The following SETD2 variants were observed in gnomAD, a reference collection of about 807,000 sequenced individuals.
The protein encoded by SETD2 is SET domain containing 2, histone lysine methyltransferase.
Under a neutral mutation model 242.1 loss-of-function variants are expected in SETD2, and 31 were observed. The observed-to-expected ratio is 0.13, with a 90% CI of 0.10 to 0.17. SETD2 has a LOEUF of 0.17. SETD2 is among the 10% of genes least tolerant of loss of function. The pLI is 1.00. For synonymous variants in SETD2, 1,006 were observed against 1,066.5 expected (o/e 0.94, Z 1.11); for missense variants, 2,481 against 3,046.3 (o/e 0.81, Z 4.37).
Position 47,121,212 on chromosome 3 carries a change from C to T in SETD2, c.3424G>A (p.Glu1142Lys), listed in dbSNP as rs2106642693. The change falls in exon 3 of 21, where the codon GAA becomes AAA. Residue 1142 changes from glutamate to lysine, a missense_variant. Transcript: ENST00000409792. ...FLHKGTEKNPEISFTQSSRKQ... is the reference protein window; with the variant it reads ...FLHKGTEKNPKISFTQSSRKQ... ...CTACTGGACTGTGTAAAAGAAATTTCCGGATTCTTCTCTGTTCCTTTATGA... is the reference window on the plus strand; with the variant it reads ...CTACTGGACTGTGTAAAAGAAATTTTCGGATTCTTCTCTGTTCCTTTATGA... The T allele has an allele frequency of 6.2e-7, 1 of 1,614,098 alleles. No homozygotes were observed. Among genetic ancestry groups the T allele is most frequent in the Non-Finnish European group, 8.5e-7 (1 of 1,179,994 alleles).
At chr3:47,080,783 A>G (rs558129066) in intron 12 of SETD2, 3 of 985,786 alleles carry the variant, frequency 3.0e-6, no homozygotes, top group Admixed American at 6.1e-5. Flanking sequence ...GTATATAGGT[A>G]TAGAAAAAGT....
chr3:47,029,772 G>A (rs2038680041), intron 18 of SETD2, among the ~76,000 whole-genome samples: 1 of 152,156 alleles, frequency 6.6e-6, no homozygotes, highest in Non-Finnish European at 1.5e-5. Context: ...TTGCTTAACT[G>A]CCAACACTTA....
At position 47,037,620 on chromosome 3, in the gene SETD2, A is replaced by G. The variant is rs752544713; in HGVS notation, c.7350+46T>C. 4.9e-6 allele frequency: 7 copies of G among 1,438,058 alleles called. No individual in the cohort carries two copies. In the Admixed American group the frequency reaches 1.2e-4, roughly 24 times the overall value. The allele number at this position is 1,438,058 out of a possible 1,614,324, so 89.1% of individuals were successfully genotyped here. A position where few individuals can be genotyped will look rare whatever the true frequency, so the allele number is the denominator to read the frequency against. ...CCAAGACCATGCGGGATGGTCTTGG[A>G]CGGACTCCCAAATGATCAGGAAATA... On this transcript the variant is annotated intron_variant, in intron 18 of 20. Transcript: ENST00000409792.
intron 13 of SETD2, among the ~76,000 whole-genome samples, chr3:47,064,238 AG>A (rs2040461040): frequency 6.6e-6 from 1 of 152,154 alleles, no homozygotes; most frequent in Admixed American, 6.6e-5. Context: ...CAGTTCTTTT[AG>A]GTGGCCCAAA....
At chr3:47,104,511 G>C (rs2042334404) in intron 6 of SETD2, among the ~76,000 whole-genome samples, 1 of 152,048 alleles carries the variant, frequency 6.6e-6, no homozygotes, top group African/African-American at 2.4e-5. Context: ...CTGCACCCCA[G>C]GCTGGGCAAC....
At chr3:47,057,980 A>G (rs1279418414) in intron 14 of SETD2, among the ~76,000 whole-genome samples, 3 of 152,162 alleles carry the variant, frequency 2.0e-5, no homozygotes, top group African/African-American at 7.2e-5. Context: ...TGGGAAAAGA[A>G]AAAGAAATCC....
intron 9 of SETD2, 108 bp downstream of exon 9, chr3:47,097,847 T>C: frequency 9.4e-7 from 1 of 1,063,922 alleles, no homozygotes; most frequent in Non-Finnish European, 1.4e-6. Context: ...TCATCTGATC[T>C]TGGATTTCTC....
rs765015864 is a variant in SETD2 at position 47,120,766 on chromosome 3, T to G, written c.3870A>C (p.Ala1290=). The G allele has an allele frequency of 1.2e-6, 2 of 1,614,238 alleles. No homozygotes were observed. The highest frequency in any genetic ancestry group is 1.7e-6 in the Non-Finnish European group (2 of 1,180,040). The part of the protein sequence containing the change: ...ACGGHKYQQN[A]EQYGGTRDYW... ...AATCACGTGTCCCACCATACTGTTC[T>G]GCATTTTGCTGATACTTGTGTCCAC... The change falls in exon 3 of 21, where the codon GCA becomes GCC. Residue 1290 remains alanine (A), a synonymous_variant. Coordinates refer to ENST00000409792, the MANE Select transcript of SETD2 (RefSeq NM_014159.7).
chr3:47,018,040 T>A (rs895098321), intron 19 of SETD2, among the ~76,000 whole-genome samples: 7 of 152,160 alleles, frequency 4.6e-5, no homozygotes, highest in African/African-American at 1.7e-4. Flanking sequence ...CAGGTTTCAG[T>A]CAATGAATTT....
At chr3:47,036,754 T>C (rs992349681) in intron 18 of SETD2, among the ~76,000 whole-genome samples, 2 of 151,012 alleles carry the variant, frequency 1.3e-5, no homozygotes, top group African/African-American at 4.9e-5. Context: ...AATACAAAAA[T>C]TAGCCGGGCG....
intron 12 of SETD2, among the ~76,000 whole-genome samples, chr3:47,074,505 G>C (rs1322045271): frequency 6.6e-6 from 1 of 152,146 alleles, no homozygotes; most frequent in Non-Finnish European, 1.5e-5. Flanking sequence ...CTACTCACAA[G>C]GCAACTTGTA....
At position 47,122,915 on chromosome 3, in the gene SETD2, C is replaced by A. The variant is rs2043161325; in HGVS notation, c.1721G>T (p.Cys574Phe). 1.2e-6 allele frequency: 2 copies of A among 1,610,432 alleles called. No homozygotes were observed. Among genetic ancestry groups the A allele is most frequent in the Non-Finnish European group, 1.7e-6 (2 of 1,178,728 alleles). The change falls in exon 3 of 21, where the codon TGT becomes TTT. Residue 574 changes from cysteine to phenylalanine, a missense_variant. Cys to Phe is a radical substitution (Grantham distance 205). This residue lies in a region of SETD2 where 1,300 missense variants were observed against 1,259.2 expected (regional missense o/e 1.03). Transcript: ENST00000409792. Reference protein sequence around the residue: ...PKSDKFKNSFCCTELNEEIKQ... With the variant: ...PKSDKFKNSFFCTELNEEIKQ... Reference sequence around the variant, plus strand: ...GATTTCTTCATTTAATTCTGTACAACAGAAAGAATTTTTAAATTTATCAGA... The same window carrying A: ...GATTTCTTCATTTAATTCTGTACAAAAGAAAGAATTTTTAAATTTATCAGA...
At position 47,125,147 on chromosome 3, in the gene SETD2, C is replaced by T. The variant is rs551453179; in HGVS notation, c.88-599G>A. Among the ~76,000 whole-genome samples the T allele has an allele frequency of 2.6e-5, 4 of 151,932 alleles. No individual in the cohort carries two copies. In the East Asian group the frequency reaches 5.8e-4, roughly 22 times the overall value. ...CAGCCTGGCCAACATAATGAAAACC[C>T]ATCTCTACTAAAAATACAAAAATTA... On this transcript the variant is annotated intron_variant, in intron 2 of 20. Transcript: ENST00000409792.
chr3:47,150,157 G>C (rs2043952432), intron 1 of SETD2, among the ~76,000 whole-genome samples: 1 of 148,446 alleles, frequency 6.7e-6, no homozygotes, highest in Non-Finnish European at 1.5e-5. Flanking sequence ...AGCCTCCTGA[G>C]TAGCTGGGAC....
chr3:47,060,333 T>C (rs1240830140), intron 14 of SETD2, among the ~76,000 whole-genome samples: 1 of 152,144 alleles, frequency 6.6e-6, no homozygotes, highest in South Asian at 2.1e-4. Context: ...CAGAATCATC[T>C]CTTTGGTGGG....
chr3:47,043,857 C>T (rs572783092), intron 16 of SETD2, among the ~76,000 whole-genome samples: 1 of 152,182 alleles, frequency 6.6e-6, no homozygotes, highest in Admixed American at 6.5e-5. Flanking sequence ...CCTTAATATT[C>T]CAAACCATTT....
chr3:47,021,734 G>A (rs183371813), intron 18 of SETD2, among the ~76,000 whole-genome samples: 53 of 152,276 alleles, frequency 3.5e-4, no homozygotes, highest in Middle Eastern at 3.4e-3. Context: ...TTCAGAAACT[G>A]GCTAACATTT....
chr3:47,150,439 CT>C (rs2043958604), intron 1 of SETD2, among the ~76,000 whole-genome samples: 1 of 152,036 alleles, frequency 6.6e-6, no homozygotes, highest in Admixed American at 6.6e-5. Flanking sequence ...AATGAGATTA[CT>C]GATCTGAGAA....
intron 12 of SETD2, among the ~76,000 whole-genome samples, chr3:47,078,032 G>C (rs2041166697): frequency 6.6e-6 from 1 of 152,084 alleles, no homozygotes; most frequent in South Asian, 2.1e-4. Flanking sequence ...AATAAACAAA[G>C]TAAAAGGAAT....
Sources: allele counts gnomAD v4.1 joint callset (sites outside exome capture counted in the v4.1 genomes callset), GRCh38; gene constraint gnomAD v4.1.1; regional missense constraint gnomAD v4.1.1; transcripts MANE v1.5; gene names NCBI Gene and HGNC (gene_info 2026-07-23, HGNC 2026-07-21).